GRK5: variants seen among roughly 807,000 people sequenced by gnomAD.
GRK5 encodes the protein g protein-coupled receptor kinase GRK5.
Under a neutral mutation model 78.4 loss-of-function variants are expected in GRK5, and 40 were observed. That is an observed-to-expected ratio of 0.51 (90% CI 0.40 to 0.66). The LOEUF is 0.66. Among genes scored for constraint, GRK5 ranks in the 30% least tolerant of loss-of-function variants. The probability of loss-of-function intolerance (pLI) is 0.00; values close to 1 mark genes in which losing one functional copy is unlikely to be tolerated. For synonymous variants in GRK5, 289 were observed against 296.8 expected (o/e 0.97, Z 0.27); for missense variants, 598 against 759.9 (o/e 0.79, Z 2.50).
chr10:119,225,465 G>A (rs899094618), intron 1 of GRK5, among the ~76,000 whole-genome samples: 6 of 152,216 alleles, frequency 3.9e-5, no homozygotes, highest in Admixed American at 2.0e-4. Context: ...TTGTTGTCGG[G>A]GACACTGTTG....
Position 119,430,554 on chromosome 10 carries a change from C to A in GRK5, c.597+116C>A. 1.2e-6 allele frequency: 1 copy of A among 821,620 alleles called. No individual in the cohort carries two copies. The highest frequency in any genetic ancestry group is 2.0e-6 in the Non-Finnish European group (1 of 509,056). The allele number at this position is 821,620 out of a possible 1,614,324, so 50.9% of individuals were successfully genotyped here. On this transcript the variant is annotated intron_variant, in intron 7 of 15. Coordinates refer to ENST00000392870, the MANE Select transcript of GRK5 (RefSeq NM_005308.3). The surrounding 1 kb of genome is among the most constrained non-coding windows in gnomAD (Gnocchi z 4.5). ...GGGTCCCCCGGGGGCACCAGTGGCTCAATGTGGGCCCCGGGGGCAGTGAGG... is the reference window on the plus strand; with the variant it reads ...GGGTCCCCCGGGGGCACCAGTGGCTAAATGTGGGCCCCGGGGGCAGTGAGG...
chr10:119,261,912 T>TGGGGAGAGGGAG (rs1345507979), intron 1 of GRK5, among the ~76,000 whole-genome samples: 1 of 148,094 alleles, frequency 6.8e-6, no homozygotes, highest in African/African-American at 2.5e-5. Flanking sequence ...AGGGAGACCA[T>TGGGGAGAGGGAG]GGGGAGAGGG....
At chr10:119,245,027 C>T (rs1456338744) in intron 1 of GRK5, among the ~76,000 whole-genome samples, 1 of 152,078 alleles carries the variant, frequency 6.6e-6, no homozygotes, top group Non-Finnish European at 1.5e-5. Context: ...CCTGTAATCC[C>T]AGCACTTTGG....
At chr10:119,220,652 T>A (rs560009623) in intron 1 of GRK5, among the ~76,000 whole-genome samples, 6 of 151,234 alleles carry the variant, frequency 4.0e-5, no homozygotes, top group Non-Finnish European at 8.8e-5. Flanking sequence ...CTGGCCAACA[T>A]GGCAAAACCC....
intron 6 of GRK5, among the ~76,000 whole-genome samples, chr10:119,425,499 T>C (rs1852661271): frequency 6.6e-6 from 1 of 152,170 alleles, no homozygotes; most frequent in Non-Finnish European, 1.5e-5. Flanking sequence ...GCTTTGTACA[T>C]AAATCTTTAA....
At chr10:119,400,311 G>A (rs893466386) in intron 4 of GRK5, among the ~76,000 whole-genome samples, 2 of 152,226 alleles carry the variant, frequency 1.3e-5, no homozygotes, top group African/African-American at 4.8e-5. Context: ...TGCTGAATCA[G>A]ATCTTAAAGG....
intron 1 of GRK5, among the ~76,000 whole-genome samples, chr10:119,324,752 A>G (rs1045613466): frequency 6.6e-6 from 1 of 152,274 alleles, no homozygotes; most frequent in Non-Finnish European, 1.5e-5. Flanking sequence ...TTATATGTAC[A>G]TGAAATGTGT....
chr10:119,280,019 C>T (rs1267902897), intron 1 of GRK5, among the ~76,000 whole-genome samples: 1 of 152,120 alleles, frequency 6.6e-6, no homozygotes, highest in Non-Finnish European at 1.5e-5. Flanking sequence ...GAGTATTGCA[C>T]TGGGGCCAGA....
chr10:119,404,094 T>G (rs1055779232), intron 4 of GRK5, among the ~76,000 whole-genome samples: 1 of 152,242 alleles, frequency 6.6e-6, no homozygotes, highest in Non-Finnish European at 1.5e-5. Flanking sequence ...TTTGAGGAAC[T>G]GCTGGGCTGT....
intron 2 of GRK5, chr10:119,333,880 G>A: frequency 1.9e-6 from 1 of 528,704 alleles, no homozygotes; most frequent in Non-Finnish European, 3.9e-6. Context: ...TATGGAGCAG[G>A]TTGCTGAGCT....
chr10:119,237,062 CTTT>C (rs11393484), intron 1 of GRK5, among the ~76,000 whole-genome samples: 6 of 119,138 alleles, frequency 5.0e-5, no homozygotes, highest in African/African-American at 1.7e-4. Context: ...TTTGCCTTAC[CTTT>C]TTTTTTTTTT....
At chr10:119,398,507 G>A (rs1345937998) in intron 4 of GRK5, among the ~76,000 whole-genome samples, 3 of 152,200 alleles carry the variant, frequency 2.0e-5, no homozygotes, top group Admixed American at 6.5e-5. Context: ...CTCTGCAGAG[G>A]CATCTTCCCA....
At chr10:119,407,953 C>T (rs57957161) in intron 4 of GRK5, among the ~76,000 whole-genome samples, 8,163 of 152,066 alleles carry the variant, frequency 0.054, 386 homozygotes, top group East Asian at 0.22. Flanking sequence ...CAGCTGAGGT[C>T]GGGAGTTCAA....
At chr10:119,275,437 CTG>C (rs1204886903) in intron 1 of GRK5, among the ~76,000 whole-genome samples, 8 of 152,188 alleles carry the variant, frequency 5.3e-5, no homozygotes, top group Admixed American at 1.3e-4. Context: ...CCTCTCACTT[CTG>C]TGTTTCCTTT....
At chr10:119,326,710 T>C in intron 2 of GRK5, 99 bp downstream of exon 2, 1 of 882,734 alleles carries the variant, frequency 1.1e-6, no homozygotes, top group East Asian at 2.5e-5. Context: ...CCAAGCTGTC[T>C]GTGCAGTGAG....
chr10:119,234,379 T>A (rs1210349613), intron 1 of GRK5, among the ~76,000 whole-genome samples: 1 of 152,232 alleles, frequency 6.6e-6, no homozygotes, highest in African/African-American at 2.4e-5. Flanking sequence ...TCTACATGTC[T>A]TATTTCAATT....
At chr10:119,448,716 A>G (rs1252825375) in intron 13 of GRK5, among the ~76,000 whole-genome samples, 1 of 152,072 alleles carries the variant, frequency 6.6e-6, no homozygotes, top group East Asian at 1.9e-4. Context: ...GTTCTGGGCC[A>G]GGCAGAAACA....
Position 119,378,037 on chromosome 10 carries a change from A to C in GRK5, c.149-2778A>C, listed in dbSNP as rs1304189154. 6.5e-6 allele frequency: 1 copy of C among 154,378 alleles called. No homozygotes were observed. The highest frequency in any genetic ancestry group is 1.5e-5 in the Non-Finnish European group (1 of 68,218). 9.6% of individuals were successfully genotyped at this position (154,378 alleles called of 1,614,324 possible). On this transcript the variant is annotated intron_variant, in intron 2 of 15. Coordinates refer to ENST00000392870, the MANE Select transcript of GRK5 (RefSeq NM_005308.3). This position sits in a 1 kb window ranked among gnomAD's most constrained non-coding sequence, Gnocchi z 4.5. ...AACAGGTGCAGGCTGCAGACCTGTCACAGGCCGCTGAGACCAGGTTCCCTA... is the reference window on the plus strand; with the variant it reads ...AACAGGTGCAGGCTGCAGACCTGTCCCAGGCCGCTGAGACCAGGTTCCCTA...
chr10:119,366,605 C>G (rs1851454785), intron 2 of GRK5, among the ~76,000 whole-genome samples: 1 of 152,146 alleles, frequency 6.6e-6, no homozygotes, highest in South Asian at 2.1e-4. Flanking sequence ...TGTTGAGGCC[C>G]AGTTGATAGC....
Sources: allele counts gnomAD v4.1 joint callset (sites outside exome capture counted in the v4.1 genomes callset), GRCh38; gene constraint gnomAD v4.1.1; non-coding constraint Gnocchi (gnomAD v3.1); transcripts MANE v1.5; gene names NCBI Gene and HGNC (gene_info 2026-07-23, HGNC 2026-07-21).